Variants in DLC1 observed in about 807,000 individuals in gnomAD.
DLC1 encodes rho GTPase-activating protein 7.
A neutral mutation model predicts 140.3 loss-of-function variants in DLC1; 54 were observed. That is an observed-to-expected ratio of 0.38 (90% CI 0.31 to 0.48). The LOEUF is 0.48. DLC1 is among the 20% of genes least tolerant of loss of function. The probability of loss-of-function intolerance (pLI) is 0.96; values close to 1 mark genes in which losing one functional copy is unlikely to be tolerated. For synonymous variants in DLC1, 986 were observed against 728.1 expected (o/e 1.35, Z -5.70); for missense variants, 2,536 against 1,907.0 (o/e 1.33, Z -6.14).
At chr8:13,494,179 T>C (rs994258134) in intron 2 of DLC1, among the ~76,000 whole-genome samples, 1 of 152,210 alleles carries the variant, frequency 6.6e-6, no homozygotes, top group Non-Finnish European at 1.5e-5. Flanking sequence ...GCAGCTTGGT[T>C]ATTTCTTTCA....
At chr8:13,145,850 G>A (rs753993754) in intron 5 of DLC1, among the ~76,000 whole-genome samples, 7 of 152,168 alleles carry the variant, frequency 4.6e-5, no homozygotes, top group South Asian at 2.1e-4. Flanking sequence ...TTCCTCTGAC[G>A]CAAGCCAAGG....
intron 3 of DLC1, 94 bp downstream of exon 3, chr8:13,401,376 G>T: frequency 6.8e-7 from 1 of 1,472,960 alleles, no homozygotes; most frequent in Non-Finnish European, 9.1e-7. Flanking sequence ...GTTGTTAGAT[G>T]CCATTAACAA....
chr8:13,092,708 A>T lies in DLC1; in HGVS notation c.3644T>A (p.Val1215Glu), dbSNP rs200677979. The change falls in exon 13 of 18, where the codon GTA becomes GAA. Residue 1215 changes from valine (V) to glutamate (E), a missense_variant. Val to Glu is a moderately radical substitution (Grantham distance 121). Transcript: ENST00000276297. ...GGTTGGGGTCATCTGGTTTTCTTTT[A>T]CGGCTGCTGTGACATCGCTCAGGAA... ...LYFLSDVTAA[V>E]KENQMTPTNL... The T allele has an allele frequency of 1.2e-6, 2 of 1,614,112 alleles. No individual in the cohort carries two copies. The highest frequency in any genetic ancestry group is 4.5e-5 in the East Asian group (2 of 44,872).
chr8:13,496,941 T>C (rs944108397), intron 2 of DLC1, among the ~76,000 whole-genome samples: 23 of 151,688 alleles, frequency 1.5e-4, no homozygotes, highest in Non-Finnish European at 2.5e-4. Context: ...GCTGGGACTA[T>C]AGGCGCCTGC....
At chr8:13,207,725 T>C (rs1438292804) in intron 5 of DLC1, among the ~76,000 whole-genome samples, 1 of 152,130 alleles carries the variant, frequency 6.6e-6, no homozygotes, top group Non-Finnish European at 1.5e-5. Flanking sequence ...TGGAGAGGTT[T>C]TGGCTGTCAC....
intron 2 of DLC1, among the ~76,000 whole-genome samples, chr8:13,447,528 C>G (rs1798833032): frequency 6.6e-6 from 1 of 152,108 alleles, no homozygotes; most frequent in Non-Finnish European, 1.5e-5. Context: ...GCCTCTCTGC[C>G]TCTAGAGCTT....
chr8:13,113,227 G>C (rs1363660932), intron 6 of DLC1, among the ~76,000 whole-genome samples: 1 of 152,194 alleles, frequency 6.6e-6, no homozygotes. Context: ...AACTTCCACT[G>C]TGGGTTGAAA....
intron 5 of DLC1, among the ~76,000 whole-genome samples, chr8:13,226,638 G>C (rs1177677065): frequency 6.6e-6 from 1 of 152,164 alleles, no homozygotes; most frequent in East Asian, 1.9e-4. Flanking sequence ...TGTAGGACCT[G>C]GATTTTCCAG....
intron 5 of DLC1, among the ~76,000 whole-genome samples, chr8:13,167,121 A>G (rs1315865267): frequency 6.6e-6 from 1 of 152,176 alleles, no homozygotes; most frequent in Admixed American, 6.5e-5. Flanking sequence ...AATGACCAAA[A>G]TACCTTTTCT....
At chr8:13,168,092 G>A (rs765025733) in intron 5 of DLC1, among the ~76,000 whole-genome samples, 5 of 152,130 alleles carry the variant, frequency 3.3e-5, no homozygotes, top group Non-Finnish European at 5.9e-5. Flanking sequence ...AAGCCACAGT[G>A]ATGTCTCTAA....
chr8:13,445,153 G>A (rs72603968), intron 2 of DLC1, among the ~76,000 whole-genome samples: 14,587 of 151,936 alleles, frequency 0.096, 807 homozygotes, highest in East Asian at 0.16. Flanking sequence ...AGGGAGGAAG[G>A]GAGAGAGAAA....
Position 13,501,074 on chromosome 8 carries a change from C to T in DLC1, c.-125-878G>A, listed in dbSNP as rs185577480. Among the ~76,000 whole-genome samples the T allele has an allele frequency of 3.2e-4, 48 of 152,242 alleles. 1 individual carries two copies. Among genetic ancestry groups the T allele is most frequent in the Admixed American group, 8.5e-4 (13 of 15,286 alleles). On this transcript the variant is annotated intron_variant, in intron 1 of 17. Coordinates refer to ENST00000276297, the MANE Select transcript of DLC1 (RefSeq NM_182643.3). ...CCCACATAACTTTAGTATGTGTAAA[C>T]TCTAAATATTTTATGCAAGAATTCA...
At chr8:13,596,573 G>A (rs969372809) in intron 1 of DLC1, among the ~76,000 whole-genome samples, 1 of 151,986 alleles carries the variant, frequency 6.6e-6, no homozygotes, top group African/African-American at 2.4e-5. Context: ...GTTTTTTAAA[G>A]AGTGCTTGTG....
At chr8:13,185,147 T>G (rs1826281513) in intron 5 of DLC1, among the ~76,000 whole-genome samples, 3 of 149,206 alleles carry the variant, frequency 2.0e-5, no homozygotes, top group Admixed American at 1.3e-4. Flanking sequence ...TTTTTTGCTT[T>G]CTGTTGCTTG....
intron 2 of DLC1, among the ~76,000 whole-genome samples, chr8:13,411,659 C>T (rs1369395228): frequency 6.6e-6 from 1 of 152,128 alleles, no homozygotes; most frequent in African/African-American, 2.4e-5. Context: ...CTGTACCTTC[C>T]ACTCAATTTT....
intron 2 of DLC1, among the ~76,000 whole-genome samples, chr8:13,465,877 G>C (rs1481386321): frequency 6.6e-6 from 1 of 152,092 alleles, no homozygotes; most frequent in Non-Finnish European, 1.5e-5. Flanking sequence ...ACCAGAACCA[G>C]GGTTAGTTAG....
At chr8:13,391,900 GA>G (rs544663879) in intron 4 of DLC1, among the ~76,000 whole-genome samples, 1 of 92,866 alleles carries the variant, frequency 1.1e-5, no homozygotes, top group Admixed American at 1.0e-4. Flanking sequence ...CCCCAATGTT[GA>G]AAAAAAAGAA....
intron 1 of DLC1, among the ~76,000 whole-genome samples, chr8:13,502,550 A>G (rs996907143): frequency 2.0e-5 from 3 of 152,198 alleles, no homozygotes; most frequent in African/African-American, 7.2e-5. Flanking sequence ...TTTAAAGACC[A>G]GATTATTAAT....
intron 4 of DLC1, among the ~76,000 whole-genome samples, chr8:13,364,813 G>A (rs959510979): frequency 1.3e-5 from 2 of 152,090 alleles, no homozygotes; most frequent in South Asian, 4.1e-4. Flanking sequence ...ATATTTTAAG[G>A]AAAGTCGTCT....
Sources: allele counts gnomAD v4.1 joint callset (sites outside exome capture counted in the v4.1 genomes callset), GRCh38; gene constraint gnomAD v4.1.1; transcripts MANE v1.5; gene names NCBI Gene and HGNC (gene_info 2026-07-23, HGNC 2026-07-21).